The following RALYL variants were observed in gnomAD, a reference collection of about 807,000 sequenced individuals.
RALYL encodes the protein RALY RNA binding protein like.
RALYL carries 29 observed loss-of-function variants against 35.1 expected under a neutral mutation model. That is an observed-to-expected ratio of 0.83 (90% CI 0.61 to 1.13). The LOEUF is 1.13. RALYL is among the 50% of genes most tolerant of loss of function. RALYL has a pLI of 0.00. For missense variants in RALYL, 359 were observed against 360.4 expected, an observed-to-expected ratio of 1.00 and a Z score of 0.03; for synonymous variants, 120 against 127.6, an observed-to-expected ratio of 0.94 and a Z score of 0.40.
intron 4 of RALYL, among the ~76,000 whole-genome samples, chr8:84,847,511 C>A (rs1834917823): frequency 6.6e-6 from 1 of 152,090 alleles, no homozygotes; most frequent in Non-Finnish European, 1.5e-5. Flanking sequence ...CACTTTCTGG[C>A]TGCATCTAGT....
chr8:84,519,166 A>G (rs1467802686), intron 1 of RALYL, among the ~76,000 whole-genome samples: 1 of 152,174 alleles, frequency 6.6e-6, no homozygotes, highest in Non-Finnish European at 1.5e-5. Flanking sequence ...GAACTGTCAT[A>G]CCATTTATTA....
intron 1 of RALYL, among the ~76,000 whole-genome samples, chr8:84,326,682 C>T (rs1845853587): frequency 6.6e-6 from 1 of 152,098 alleles, no homozygotes; most frequent in Non-Finnish European, 1.5e-5. Context: ...TTATGAATTA[C>T]TACATTAAGT....
intron 2 of RALYL, among the ~76,000 whole-genome samples, chr8:84,653,545 C>T (rs991001267): frequency 6.6e-6 from 1 of 152,006 alleles, no homozygotes; most frequent in Non-Finnish European, 1.5e-5. Flanking sequence ...TTTTCCCTCT[C>T]ATTTCCCAAT....
intron 2 of RALYL, among the ~76,000 whole-genome samples, chr8:84,569,561 C>G (rs1588239041): frequency 6.6e-6 from 1 of 151,776 alleles, no homozygotes; most frequent in Non-Finnish European, 1.5e-5. Flanking sequence ...GTGATTATCC[C>G]TTTTTCTGTG....
At chr8:84,679,249 T>C in intron 2 of RALYL, 2 of 203,030 alleles carry the variant, frequency 9.9e-6, no homozygotes, top group South Asian at 1.7e-4. Flanking sequence ...ATTCCCATAC[T>C]TTCTAAGATT....
intron 8 of RALYL, among the ~76,000 whole-genome samples, chr8:84,899,613 G>A (rs944139287): frequency 2.0e-5 from 3 of 152,078 alleles, no homozygotes; most frequent in Non-Finnish European, 4.4e-5. Flanking sequence ...TAATCACTAG[G>A]TCATTCAGGC....
At chr8:84,769,015 ACTT>A (rs1186214960) in intron 2 of RALYL, among the ~76,000 whole-genome samples, 3 of 152,182 alleles carry the variant, frequency 2.0e-5, no homozygotes, top group African/African-American at 7.2e-5. Context: ...TTGTCAATAA[ACTT>A]AAGTCTCAAG....
intron 1 of RALYL, among the ~76,000 whole-genome samples, chr8:84,376,692 C>A (rs1856975504): frequency 6.6e-6 from 1 of 151,826 alleles, no homozygotes; most frequent in Non-Finnish European, 1.5e-5. Flanking sequence ...CAAGTCAAAG[C>A]AGGACTCCCT....
At chr8:84,862,948 A>G (rs914973198) in intron 6 of RALYL, among the ~76,000 whole-genome samples, 3 of 152,224 alleles carry the variant, frequency 2.0e-5, no homozygotes, top group African/African-American at 4.8e-5. Flanking sequence ...CTGAAGATAT[A>G]TTTAATGTCA....
intron 4 of RALYL, among the ~76,000 whole-genome samples, chr8:84,821,641 A>G (rs1309291491): frequency 3.9e-5 from 6 of 152,150 alleles, no homozygotes; most frequent in African/African-American, 1.4e-4. Flanking sequence ...TATTTTATCA[A>G]TCTCAAAATG....
chr8:84,660,112 A>G (rs538320057), intron 2 of RALYL, among the ~76,000 whole-genome samples: 7 of 152,086 alleles, frequency 4.6e-5, no homozygotes, highest in African/African-American at 4.8e-5. Context: ...GCACTTTACA[A>G]TTTTCTCAAT....
chr8:84,833,197 T>G (rs1466278416), intron 4 of RALYL, among the ~76,000 whole-genome samples: 1 of 152,236 alleles, frequency 6.6e-6, no homozygotes, highest in Non-Finnish European at 1.5e-5. Flanking sequence ...TTTCTTCATC[T>G]ATACGGATCC....
At chr8:84,251,568 A>G (rs1325625599) in intron 1 of RALYL, among the ~76,000 whole-genome samples, 1 of 152,102 alleles carries the variant, frequency 6.6e-6, no homozygotes, top group African/African-American at 2.4e-5. Flanking sequence ...ATTAAAAAAC[A>G]TTCCACTTTG....
intron 3 of RALYL, among the ~76,000 whole-genome samples, chr8:84,781,707 G>A (rs770382099): frequency 6.6e-6 from 1 of 152,094 alleles, no homozygotes; most frequent in African/African-American, 2.4e-5. Context: ...GGGAATTGAG[G>A]GAGGTGGGCA....
At chr8:84,756,349 G>A (rs1811409018) in intron 2 of RALYL, among the ~76,000 whole-genome samples, 1 of 152,070 alleles carries the variant, frequency 6.6e-6, no homozygotes, top group African/African-American at 2.4e-5. Context: ...GAGATTGTAG[G>A]ATCAGTGCAC....
intron 1 of RALYL, among the ~76,000 whole-genome samples, chr8:84,421,089 C>A (rs1393987087): frequency 7.1e-6 from 1 of 139,960 alleles, no homozygotes; most frequent in Non-Finnish European, 1.5e-5. Context: ...TGAAGAAAAT[C>A]ATTGGTAGCT....
At chr8:84,245,074 C>A (rs1828791635) in intron 1 of RALYL, among the ~76,000 whole-genome samples, 5 of 152,090 alleles carry the variant, frequency 3.3e-5, no homozygotes, top group East Asian at 1.9e-4. Flanking sequence ...AGATGAGCAA[C>A]CTTGAGCTTG....
intron 4 of RALYL, among the ~76,000 whole-genome samples, chr8:84,806,815 C>G (rs1044933723): frequency 6.6e-6 from 1 of 151,956 alleles, no homozygotes; most frequent in Non-Finnish European, 1.5e-5. Context: ...AGTTCGAGAC[C>G]AGGCTGGACA....
intron 1 of RALYL, among the ~76,000 whole-genome samples, chr8:84,192,544 T>C (rs1267609056): frequency 6.6e-6 from 1 of 151,776 alleles, no homozygotes; most frequent in Non-Finnish European, 1.5e-5. Context: ...TACATGAAAC[T>C]GAATTTTCTT....
Sources: allele counts gnomAD v4.1 joint callset (sites outside exome capture counted in the v4.1 genomes callset), GRCh38; gene constraint gnomAD v4.1.1; transcripts MANE v1.5; gene names NCBI Gene and HGNC (gene_info 2026-07-23, HGNC 2026-07-21).